The following SRPK2 variants were observed in gnomAD, a reference collection of about 807,000 sequenced individuals.
SRPK2 encodes SRSF protein kinase 2.
Under a neutral mutation model 90.8 loss-of-function variants are expected in SRPK2, and 21 were observed. The ratio of observed to expected loss-of-function variants is 0.23; its 90% CI spans 0.16 to 0.33. The LOEUF is 0.33. Among genes scored for constraint, SRPK2 ranks in the 10% least tolerant of loss-of-function variants. The pLI is 1.00. For synonymous variants in SRPK2, 288 were observed against 311.1 expected, an observed-to-expected ratio of 0.93 and a Z score of 0.78; for missense variants, 620 against 869.0, an observed-to-expected ratio of 0.71 and a Z score of 3.60.
At chr7:105,357,037 A>ATTT (rs35074269) in intron 2 of SRPK2, among the ~76,000 whole-genome samples, 2 of 143,022 alleles carry the variant, frequency 1.4e-5, no homozygotes, top group Non-Finnish European at 1.5e-5. Context: ...GTAAACACTA[A>ATTT]TTTTTTTTTT....
chr7:105,187,754 T>C (rs1001230308), intron 3 of SRPK2, among the ~76,000 whole-genome samples: 1 of 152,160 alleles, frequency 6.6e-6, no homozygotes, highest in African/African-American at 2.4e-5. Flanking sequence ...TAAAGTCTCA[T>C]GGTGAATATG....
At chr7:105,317,560 G>T (rs192322336) in intron 2 of SRPK2, among the ~76,000 whole-genome samples, 5 of 152,280 alleles carry the variant, frequency 3.3e-5, no homozygotes, top group Admixed American at 2.0e-4. Flanking sequence ...CGTATGAAAT[G>T]AGCTTGTTGC....
chr7:105,213,730 A>C (rs1361006259), intron 2 of SRPK2, among the ~76,000 whole-genome samples: 2 of 152,224 alleles, frequency 1.3e-5, no homozygotes, highest in African/African-American at 4.8e-5. Flanking sequence ...GACAATCTGA[A>C]GCCAGCTAGG....
intron 2 of SRPK2, among the ~76,000 whole-genome samples, chr7:105,350,853 T>C (rs1420074688): frequency 6.6e-6 from 1 of 152,182 alleles, no homozygotes; most frequent in Admixed American, 6.6e-5. Flanking sequence ...ATGTTCAGAT[T>C]ACATGGCTAT....
chr7:105,121,005 C>A (rs1800265344), intron 15 of SRPK2, among the ~76,000 whole-genome samples: 1 of 152,150 alleles, frequency 6.6e-6, no homozygotes, highest in African/African-American at 2.4e-5. Context: ...TTTAAAAACA[C>A]ATTTTCACCA....
At chr7:105,365,517 T>G (rs1818942197) in intron 2 of SRPK2, among the ~76,000 whole-genome samples, 1 of 141,436 alleles carries the variant, frequency 7.1e-6, no homozygotes. Flanking sequence ...AAATTATATA[T>G]ATATATATAT....
intron 2 of SRPK2, among the ~76,000 whole-genome samples, chr7:105,347,083 A>T (rs1816552017): frequency 6.6e-6 from 1 of 151,046 alleles, no homozygotes; most frequent in South Asian, 2.1e-4. Context: ...TTTAAGATTA[A>T]GGTTTCATTC....
Position 105,146,617 on chromosome 7 carries a change from G to T in SRPK2, c.663C>A (p.Ile221=). ...GLDYLHSKCK[I]IHTDIKPENI... ...TTTCCGGCTTTATGTCAGTATGAAT[G>T]ATCTTGCACTTACTGTGTAAGTAAT... is the stretch of plus-strand genomic sequence containing the variant. Residue 221 remains isoleucine, a synonymous_variant, in exon 8 of 16, where the codon ATC becomes ATA. Transcript: ENST00000393651. The T allele has an allele frequency of 6.2e-7, 1 of 1,614,196 alleles. No homozygotes were observed. The highest frequency in any genetic ancestry group is 8.5e-7 in the Non-Finnish European group (1 of 1,180,034).
chr7:105,336,210 A>C (rs1468360), intron 2 of SRPK2, among the ~76,000 whole-genome samples: 6,910 of 152,224 alleles, frequency 0.045, 523 homozygotes, highest in East Asian at 0.38. Context: ...GTTAATAGAA[A>C]ACACAGAGAA....
At chr7:105,168,141 T>TGATTCTTTCTACTG in intron 4 of SRPK2, 46 bp from the exon 5 acceptor site, 1 of 1,464,612 alleles carries the variant, frequency 6.8e-7, no homozygotes, top group Non-Finnish European at 9.3e-7. Context: ...ATATTATCAG[T>TGATTCTTTCTACTG]AGAAAGAATC....
At chr7:105,205,161 C>CTAA (rs1367144108) in intron 2 of SRPK2, among the ~76,000 whole-genome samples, 1 of 152,102 alleles carries the variant, frequency 6.6e-6, no homozygotes, top group African/African-American at 2.4e-5. Flanking sequence ...AACACCACCA[C>CTAA]TAATGCATGT....
At chr7:105,259,591 A>C (rs916373078) in intron 2 of SRPK2, among the ~76,000 whole-genome samples, 2 of 152,320 alleles carry the variant, frequency 1.3e-5, no homozygotes, top group African/African-American at 4.8e-5. Flanking sequence ...AATCCTAAGC[A>C]AAAAGAACAA....
intron 7 of SRPK2, among the ~76,000 whole-genome samples, chr7:105,159,623 A>G (rs1807256313): frequency 6.6e-6 from 1 of 152,134 alleles, no homozygotes; most frequent in Non-Finnish European, 1.5e-5. Flanking sequence ...TACTGATTCC[A>G]TGCAGAACAC....
chr7:105,277,002 C>G (rs1490608327), intron 2 of SRPK2, among the ~76,000 whole-genome samples: 2 of 152,146 alleles, frequency 1.3e-5, no homozygotes, highest in Non-Finnish European at 2.9e-5. Context: ...CTTCTTCTCT[C>G]TATTTCACAT....
intron 2 of SRPK2, chr7:105,204,518 A>G (rs890357266): frequency 1.3e-5 from 5 of 385,816 alleles, no homozygotes; most frequent in Admixed American, 3.3e-5. Context: ...AGGACCCTAC[A>G]GTCTCAATCT....
intron 7 of SRPK2, among the ~76,000 whole-genome samples, chr7:105,150,045 T>C (rs746428389): frequency 2.0e-5 from 3 of 151,746 alleles, no homozygotes; most frequent in Non-Finnish European, 2.9e-5. Context: ...GGTGGGGTAA[T>C]TGGCCAAAAA....
chr7:105,238,518 G>A (rs894587301), intron 2 of SRPK2, among the ~76,000 whole-genome samples: 8 of 152,220 alleles, frequency 5.3e-5, no homozygotes, highest in African/African-American at 1.9e-4. Context: ...CTCAGCTTCA[G>A]TGGCAAGACA....
Position 105,203,805 on chromosome 7 carries a change from A to G in SRPK2, c.72-20T>C. 6.4e-7 allele frequency: 1 copy of G among 1,556,118 alleles called. No individual in the cohort carries two copies. Among genetic ancestry groups the G allele is most frequent in the East Asian group, 2.4e-5 (1 of 41,242 alleles). ...TCCGGCCTGAAAGAGCAGAGAGAAA[A>G]TTGCTATTTACTTAGAAGTACATCT... On this transcript the variant is annotated intron_variant, in intron 2 of 15. Transcript: ENST00000393651.
At chr7:105,285,722 C>T (rs1326815691) in intron 2 of SRPK2, among the ~76,000 whole-genome samples, 1 of 152,116 alleles carries the variant, frequency 6.6e-6, no homozygotes, top group Non-Finnish European at 1.5e-5. Flanking sequence ...CAGCTCTTAC[C>T]ACGCAACCCA....
Sources: allele counts gnomAD v4.1 joint callset (sites outside exome capture counted in the v4.1 genomes callset), GRCh38; gene constraint gnomAD v4.1.1; transcripts MANE v1.5; gene names NCBI Gene and HGNC (gene_info 2026-07-23, HGNC 2026-07-21).